The following WDR17 variants were observed in gnomAD, a reference collection of about 807,000 sequenced individuals.
WDR17 encodes the protein WD repeat domain 17.
Under a neutral mutation model 161.7 loss-of-function variants are expected in WDR17, and 143 were observed. That is an observed-to-expected ratio of 0.88 (90% CI 0.77 to 1.02). The LOEUF is 1.02. Ranked by LOEUF, WDR17 falls within the 50% of genes least tolerant of loss-of-function variation. The pLI, the probability that WDR17 is intolerant of heterozygous loss-of-function variation, is 0.00. For missense variants in WDR17, 1,469 were observed against 1,520.9 expected (o/e 0.97, Z 0.57); for synonymous variants, 517 against 515.6 (o/e 1.00, Z -0.04).
intron 3 of WDR17, among the ~76,000 whole-genome samples, chr4:176,119,523 C>T (rs1741201631): frequency 6.6e-6 from 1 of 152,058 alleles, no homozygotes; most frequent in Non-Finnish European, 1.5e-5. Flanking sequence ...CCTAGAATGC[C>T]TAGAGGTCTT....
chr4:176,092,779 C>A (rs551344465), intron 1 of WDR17, among the ~76,000 whole-genome samples: 1 of 152,116 alleles, frequency 6.6e-6, no homozygotes, highest in Non-Finnish European at 1.5e-5. Flanking sequence ...CGGTGGCTCA[C>A]GTCTGTAATC....
intron 19 of WDR17, 31 bp downstream of exon 19, chr4:176,160,157 C>T (rs1343700030): frequency 1.2e-6 from 2 of 1,609,866 alleles, no homozygotes; most frequent in East Asian, 2.2e-5. Flanking sequence ...CAGTCACATA[C>T]ATGAATGCTT....
chr4:176,083,479 C>A (rs1440206880), intron 1 of WDR17, among the ~76,000 whole-genome samples: 1 of 151,962 alleles, frequency 6.6e-6, no homozygotes, highest in Non-Finnish European at 1.5e-5. Context: ...ATTTTTATAT[C>A]TGGCTTCTTT....
intron 18 of WDR17, among the ~76,000 whole-genome samples, chr4:176,158,993 G>A (rs1271778714): frequency 6.6e-6 from 1 of 152,142 alleles, no homozygotes; most frequent in Non-Finnish European, 1.5e-5. Context: ...TAAAAACATA[G>A]CTGTTGAGGA....
intron 1 of WDR17, among the ~76,000 whole-genome samples, chr4:176,110,324 G>A (rs1000217593): frequency 5.9e-5 from 9 of 152,100 alleles, no homozygotes; most frequent in African/African-American, 2.2e-4. Flanking sequence ...TGTACTTTTA[G>A]TAGAGACGGG....
intron 11 of WDR17, among the ~76,000 whole-genome samples, chr4:176,144,291 A>G (rs1461692180): frequency 1.3e-5 from 2 of 152,190 alleles, no homozygotes; most frequent in African/African-American, 2.4e-5. Context: ...ATAAAATTAA[A>G]TTTTATTTGT....
At chr4:176,163,797 A>G (rs1186086193) in intron 22 of WDR17, among the ~76,000 whole-genome samples, 1 of 152,220 alleles carries the variant, frequency 6.6e-6, no homozygotes, top group Non-Finnish European at 1.5e-5. Context: ...TAGCCCGGAA[A>G]TCCAGGGCAA....
chr4:176,147,905 T>G (rs564214512), intron 12 of WDR17, among the ~76,000 whole-genome samples: 3 of 152,268 alleles, frequency 2.0e-5, no homozygotes, highest in Non-Finnish European at 4.4e-5. Context: ...GATGAATTTG[T>G]TAATTAGCTT....
chr4:176,179,704 G>A lies in WDR17; in HGVS notation c.*125G>A. On this transcript the variant is annotated 3_prime_UTR_variant, in exon 29 of 29. Transcript: ENST00000508596. ...GAAGGATTGCAGGTTGGGAGAGGTG[G>A]GAAATAGCAGTGAATTTTAGTCATT... 1.2e-6 allele frequency: 1 copy of A among 857,216 alleles called. No individual in the cohort carries two copies. Among genetic ancestry groups the A allele is most frequent in the Non-Finnish European group, 1.6e-6 (1 of 632,176 alleles). 53.1% of individuals were successfully genotyped at this position (857,216 alleles called of 1,614,324 possible). A position where few individuals can be genotyped will look rare whatever the true frequency, so the allele number is the denominator to read the frequency against.
At chr4:176,076,298 A>G (rs1311765566) in intron 1 of WDR17, among the ~76,000 whole-genome samples, 2 of 141,222 alleles carry the variant, frequency 1.4e-5, no homozygotes, top group African/African-American at 2.6e-5. Flanking sequence ...AAATATGTGT[A>G]TCTGTATGTA....
At chr4:176,162,054 T>C (rs1749106763) in intron 20 of WDR17, 21 bp from the exon 21 acceptor site, 1 of 1,582,408 alleles carries the variant, frequency 6.3e-7, no homozygotes, top group Non-Finnish European at 8.6e-7. Flanking sequence ...TTATATAGAA[T>C]ACACATTTTT....
At chr4:176,150,225 T>A (rs780667912) in intron 15 of WDR17, 52 bp downstream of exon 15, 1 of 1,592,364 alleles carries the variant, frequency 6.3e-7, no homozygotes, top group East Asian at 2.2e-5. Flanking sequence ...CCAACATGAA[T>A]CATTACAACT....
At chr4:176,176,975 T>TA in intron 26 of WDR17, 83 bp from the exon 27 acceptor site, 1 of 930,678 alleles carries the variant, frequency 1.1e-6, no homozygotes, top group Non-Finnish European at 1.7e-6. Flanking sequence ...TATATAAATC[T>TA]AAAATCACAT....
intron 11 of WDR17, among the ~76,000 whole-genome samples, chr4:176,143,721 A>G (rs1036562936): frequency 1.3e-5 from 2 of 151,976 alleles, no homozygotes; most frequent in African/African-American, 4.8e-5. Flanking sequence ...TTTTTTCCTA[A>G]CCATCAACTT....
At chr4:176,148,543 T>C (rs1033276794) in intron 13 of WDR17, among the ~76,000 whole-genome samples, 3 of 152,244 alleles carry the variant, frequency 2.0e-5, no homozygotes, top group African/African-American at 7.2e-5. Context: ...AAGATGACTA[T>C]TGTTAGCACT....
chr4:176,126,259 A>G (rs1742430325), intron 5 of WDR17, among the ~76,000 whole-genome samples: 1 of 152,182 alleles, frequency 6.6e-6, no homozygotes, highest in Non-Finnish European at 1.5e-5. Flanking sequence ...TAGCAAAGCT[A>G]AGTAGTGATA....
intron 1 of WDR17, among the ~76,000 whole-genome samples, chr4:176,071,246 G>T (rs942378757): frequency 6.6e-6 from 1 of 151,274 alleles, no homozygotes; most frequent in African/African-American, 2.4e-5. Context: ...CTTCCATAGT[G>T]TTCTCGCAAT....
chr4:176,159,279 A>G (rs58726089), intron 18 of WDR17, among the ~76,000 whole-genome samples: 48,612 of 148,562 alleles, frequency 0.33, 8,312 homozygotes, highest in African/African-American at 0.45. Context: ...ACACATGCAC[A>G]CACACACACA....
intron 20 of WDR17, among the ~76,000 whole-genome samples, chr4:176,161,631 A>T (rs1749050293): frequency 6.6e-6 from 1 of 152,204 alleles, no homozygotes; most frequent in Non-Finnish European, 1.5e-5. Flanking sequence ...TTAAGCAAAT[A>T]ATGTGTTGGG....
Sources: allele counts gnomAD v4.1 joint callset (sites outside exome capture counted in the v4.1 genomes callset), GRCh38; gene constraint gnomAD v4.1.1; transcripts MANE v1.5; gene names NCBI Gene and HGNC (gene_info 2026-07-23, HGNC 2026-07-21).